STS: variants seen among roughly 807,000 people sequenced by gnomAD.
The protein encoded by STS is steroid sulfatase, also known as steryl-sulfatase.
STS carries 7 observed loss-of-function variants against 26.8 expected under a neutral mutation model. The ratio of observed to expected loss-of-function variants is 0.26; its 90% CI spans 0.15 to 0.49. The LOEUF (loss-of-function observed/expected upper bound fraction) is 0.49, where lower values mean the gene tolerates loss of function less well. STS is among the 20% of genes least tolerant of loss of function. The pLI is 0.98. For synonymous variants in STS, 199 were observed against 189.4 expected (o/e 1.05, Z -0.42); for missense variants, 434 against 465.6 (o/e 0.93, Z 0.63).
In STS at chrX:7,271,542, G is replaced by A. The variant is rs1174987779; in HGVS notation, c.807-4409G>A. Among the ~76,000 whole-genome samples, 8 of 110,992 alleles carry A rather than the reference G, an allele frequency of 7.2e-5. No individual in the cohort carries two copies. The Admixed American group carries it at 7.7e-4, about 11-fold the overall frequency. On this transcript the variant is annotated intron_variant, in intron 6 of 10. Transcript: ENST00000674429. ...GGAGCCAAACACATGGCTTGGTAGA[G>A]ATGCTCATATGTAAGTCATCAGCTA...
chrX:7,224,168 C>A (rs918739526), intron 2 of STS, among the ~76,000 whole-genome samples: 2 of 111,587 alleles, frequency 1.8e-5, no homozygotes, highest in Non-Finnish European at 3.8e-5. Context: ...TCACTTAAAG[C>A]TCTCAGTTCT....
At chrX:7,207,839 C>A (rs1176037895) in intron 2 of STS, among the ~76,000 whole-genome samples, 1 of 112,109 alleles carries the variant, frequency 8.9e-6, no homozygotes, top group Non-Finnish European at 1.9e-5. Context: ...TATTCGATAG[C>A]AGGCTCAGGG....
intron 2 of STS, among the ~76,000 whole-genome samples, chrX:7,201,923 CAT>C (rs1934080956): frequency 1.8e-5 from 2 of 110,763 alleles, no homozygotes. Flanking sequence ...CCACGATGCT[CAT>C]AATGGTTAAT....
At chrX:7,151,610 C>A (rs894880537) in intron 1 of STS, among the ~76,000 whole-genome samples, 2 of 112,524 alleles carry the variant, frequency 1.8e-5, no homozygotes, top group Non-Finnish European at 3.8e-5. Context: ...GAATTCGCCA[C>A]TCCTGGCTTT....
At chrX:7,292,983 A>G (rs933200313) in intron 7 of STS, among the ~76,000 whole-genome samples, 2 of 111,352 alleles carry the variant, frequency 1.8e-5, no homozygotes, top group Middle Eastern at 4.6e-3. Context: ...CACTGTCTCA[A>G]TGCCAGTTGC....
At chrX:7,177,827 T>A (rs1229651945) in intron 1 of STS, among the ~76,000 whole-genome samples, 1 of 110,498 alleles carries the variant, frequency 9.0e-6, no homozygotes, top group Non-Finnish European at 1.9e-5. Flanking sequence ...ATATATATAT[T>A]TTTAAAGGCA....
intron 8 of STS, among the ~76,000 whole-genome samples, chrX:7,321,931 T>A (rs1430353647): frequency 1.8e-5 from 2 of 112,085 alleles, no homozygotes; most frequent in Non-Finnish European, 3.8e-5. Context: ...CTGGCCTGTC[T>A]GAGCCCTATA....
At chrX:7,324,279 G>C (rs1174466675) in intron 8 of STS, among the ~76,000 whole-genome samples, 2 of 110,628 alleles carry the variant, frequency 1.8e-5, no homozygotes, top group Admixed American at 9.7e-5. Context: ...GGGAGTGTCT[G>C]GGTTAAAATA....
chrX:7,274,253 A>G (rs1924424176), intron 6 of STS, among the ~76,000 whole-genome samples: 1 of 111,441 alleles, frequency 9.0e-6, no homozygotes, highest in South Asian at 3.8e-4. Flanking sequence ...CTTGAATCAC[A>G]GTAAGAAGAA....
At chrX:7,219,484 C>G in intron 2 of STS, 1 of 1,120,631 alleles carries the variant, frequency 8.9e-7, no homozygotes, top group Middle Eastern at 3.5e-4. Context: ...CCTCCAGCAG[C>G]TGACGGGACC....
At chrX:7,308,522 A>G (rs1168684088) in intron 8 of STS, among the ~76,000 whole-genome samples, 1 of 111,647 alleles carries the variant, frequency 9.0e-6, no homozygotes, top group African/African-American at 3.3e-5. Flanking sequence ...TAGATCAGAA[A>G]GGGAGCCTCA....
chrX:7,259,134 C>T (rs1182868439), intron 5 of STS, among the ~76,000 whole-genome samples: 5 of 110,715 alleles, frequency 4.5e-5, no homozygotes, highest in African/African-American at 1.3e-4. Context: ...TTGTTGGAAT[C>T]GCTAAATTAG....
At chrX:7,223,704 G>A (rs936373885) in intron 2 of STS, among the ~76,000 whole-genome samples, 1 of 110,948 alleles carries the variant, frequency 9.0e-6, no homozygotes, top group East Asian at 2.8e-4. Context: ...CATTCTGTAG[G>A]TTGTCTATTT....
intron 1 of STS, among the ~76,000 whole-genome samples, chrX:7,180,648 G>A (rs1371448466): frequency 1.8e-5 from 2 of 111,716 alleles, no homozygotes; most frequent in Admixed American, 9.6e-5. Flanking sequence ...GGACATTGAT[G>A]TCCTGAGGTT....
intron 5 of STS, among the ~76,000 whole-genome samples, chrX:7,258,670 A>AT (rs1169326136): frequency 9.0e-6 from 1 of 110,808 alleles, no homozygotes; most frequent in Non-Finnish European, 1.9e-5. Flanking sequence ...AAAAACTATC[A>AT]TTTTTTTCTT....
At chrX:7,211,502 G>A (rs769554736) in intron 2 of STS, among the ~76,000 whole-genome samples, 1 of 111,912 alleles carries the variant, frequency 8.9e-6, no homozygotes, top group Non-Finnish European at 1.9e-5. Context: ...CAGCTTCTTT[G>A]TGGGCACCAG....
At chrX:7,331,874 A>C (rs1927764287) in intron 9 of STS, among the ~76,000 whole-genome samples, 1 of 82,124 alleles carries the variant, frequency 1.2e-5, no homozygotes, top group African/African-American at 4.8e-5. Flanking sequence ...GGACCACGTT[A>C]GGTGTGGGAT....
intron 7 of STS, among the ~76,000 whole-genome samples, chrX:7,288,639 C>CGTGTGTGT (rs58375124): frequency 2.0e-4 from 18 of 89,587 alleles, no homozygotes; most frequent in Admixed American, 1.4e-3. Flanking sequence ...AAATTCTGTA[C>CGTGTGTGT]GTGTGTGTGT....
chrX:7,294,674 A>C (rs1925581206), intron 7 of STS, among the ~76,000 whole-genome samples: 1 of 111,993 alleles, frequency 8.9e-6, no homozygotes, highest in African/African-American at 3.2e-5. Flanking sequence ...CTCTGGTTTA[A>C]AGGCAACAAA....
Sources: allele counts gnomAD v4.1 joint callset (sites outside exome capture counted in the v4.1 genomes callset), GRCh38; gene constraint gnomAD v4.1.1; transcripts MANE v1.5; gene names NCBI Gene and HGNC (gene_info 2026-07-23, HGNC 2026-07-21).